TENM3: variants seen among roughly 807,000 people sequenced by gnomAD.
TENM3 encodes teneurin transmembrane protein 3.
TENM3 carries 63 observed loss-of-function variants against 255.1 expected under a neutral mutation model. The observed-to-expected ratio is 0.25, with a 90% CI of 0.20 to 0.30. The LOEUF is 0.30. TENM3 is among the 10% of genes least tolerant of loss of function. The pLI, the probability that TENM3 is intolerant of heterozygous loss-of-function variation, is 1.00. For missense variants in TENM3, 2,929 were observed against 3,461.1 expected (o/e 0.85, Z 3.86); for synonymous variants, 1,306 against 1,322.3 (o/e 0.99, Z 0.27).
At chr4:182,244,079 G>A (rs979016987) in intron 1 of TENM3, among the ~76,000 whole-genome samples, 9 of 144,662 alleles carry the variant, frequency 6.2e-5, no homozygotes, top group Non-Finnish European at 1.0e-4. Context: ...TCAGCCTCCC[G>A]AGTAGCTGGG....
the TENM3 span, among the ~76,000 whole-genome samples, chr4:182,039,084 C>G: frequency 5.5e-4 from 84 of 152,182 alleles, no homozygotes; most frequent in African/African-American, 1.7e-3. Flanking sequence ...TTCTAGAAAC[C>G]CTAGAACACT....
At chr4:181,696,399 T>G in the TENM3 span, among the ~76,000 whole-genome samples, 4 of 152,068 alleles carry the variant, frequency 2.6e-5, no homozygotes, top group Non-Finnish European at 5.9e-5. Context: ...GGACATTGTC[T>G]CCAAAGGCCA....
the TENM3 span, among the ~76,000 whole-genome samples, chr4:181,985,539 A>C: frequency 6.6e-6 from 1 of 152,130 alleles, no homozygotes; most frequent in African/African-American, 2.4e-5. Context: ...AGAGAATCTG[A>C]TGATATACTA....
intron 1 of TENM3, among the ~76,000 whole-genome samples, chr4:182,153,656 A>T (rs1388431504): frequency 3.3e-5 from 5 of 152,144 alleles, no homozygotes; most frequent in Non-Finnish European, 5.9e-5. Flanking sequence ...GAGAGGACTG[A>T]GTGCTTGTTC....
intron 12 of TENM3, among the ~76,000 whole-genome samples, chr4:182,696,834 A>G (rs1191223920): frequency 6.6e-6 from 1 of 151,970 alleles, no homozygotes; most frequent in Non-Finnish European, 1.5e-5. Context: ...ACCTGATTTC[A>G]TTTTTATATT....
At chr4:181,533,178 C>G in the TENM3 span, among the ~76,000 whole-genome samples, 1 of 152,116 alleles carries the variant, frequency 6.6e-6, no homozygotes, top group African/African-American at 2.4e-5. Context: ...AAAGCCTGCT[C>G]TGGTGTCTAT....
At chr4:181,769,173 A>G in the TENM3 span, among the ~76,000 whole-genome samples, 18 of 152,342 alleles carry the variant, frequency 1.2e-4, no homozygotes, top group African/African-American at 4.1e-4. Context: ...ATATTCATGC[A>G]GACAATCTAA....
At chr4:181,611,022 T>G in the TENM3 span, among the ~76,000 whole-genome samples, 23 of 152,192 alleles carry the variant, frequency 1.5e-4, no homozygotes, top group African/African-American at 5.6e-4. Flanking sequence ...TTTAGCCAAA[T>G]TAGTAGGTTT....
At chr4:182,640,023 G>A (rs1051922102) in intron 5 of TENM3, among the ~76,000 whole-genome samples, 2 of 152,226 alleles carry the variant, frequency 1.3e-5, no homozygotes, top group Non-Finnish European at 2.9e-5. Flanking sequence ...CCAGGAGGCG[G>A]AGGTTGCGGT....
chr4:182,799,765 G>A lies in TENM3; in HGVS notation c.7514G>A (p.Ser2505Asn). 6.3e-7 allele frequency: 1 copy of A among 1,580,356 alleles called. No homozygotes were observed. The highest frequency in any genetic ancestry group is 8.6e-7 in the Non-Finnish European group (1 of 1,164,284). ...GGCAAGGGCGTCATGCTGGCCGTCAGCCAGGGCCGCGTGCAGACCAACGTG... is the reference window on the plus strand; with the variant it reads ...GGCAAGGGCGTCATGCTGGCCGTCAACCAGGGCCGCGTGCAGACCAACGTG... ...LIGKGVMLAVSQGRVQTNVLN... is the reference protein window; with the variant it reads ...LIGKGVMLAVNQGRVQTNVLN... Residue 2505 changes from serine to asparagine, a missense_variant, in exon 28 of 28, where the codon AGC becomes AAC. Physicochemically the swap from Ser to Asn is conservative, Grantham distance 46. Transcript: ENST00000511685. This position sits in a 1 kb window ranked among gnomAD's most constrained non-coding sequence, Gnocchi z 4.2.
the TENM3 span, among the ~76,000 whole-genome samples, chr4:181,495,284 G>A: frequency 7.4e-4 from 113 of 152,238 alleles, 1 homozygote; most frequent in African/African-American, 2.6e-3. Context: ...AGGAGTTAGC[G>A]AAGGAGTTGG....
At chr4:182,403,220 C>A (rs1008677288) in intron 3 of TENM3, among the ~76,000 whole-genome samples, 1 of 152,162 alleles carries the variant, frequency 6.6e-6, no homozygotes, top group South Asian at 2.1e-4. Flanking sequence ...AATAAGATTT[C>A]TCCAGTAAGA....
At chr4:182,443,931 A>T (rs1039556554) in intron 3 of TENM3, among the ~76,000 whole-genome samples, 2 of 152,206 alleles carry the variant, frequency 1.3e-5, no homozygotes, top group Non-Finnish European at 2.9e-5. Context: ...TTGGGGGGTG[A>T]AATAATTTAA....
At chr4:182,699,147 T>C (rs942508709) in intron 12 of TENM3, among the ~76,000 whole-genome samples, 1 of 152,218 alleles carries the variant, frequency 6.6e-6, no homozygotes, top group Admixed American at 6.5e-5. Flanking sequence ...CCTCCTGTGG[T>C]CTAACTTGAG....
intron 3 of TENM3, among the ~76,000 whole-genome samples, chr4:182,384,395 GGT>G (rs1767768876): frequency 1.3e-5 from 2 of 151,278 alleles, no homozygotes; most frequent in Admixed American, 1.3e-4. Flanking sequence ...GACGCAGGTA[GGT>G]GTCACTGAGG....
the TENM3 span, among the ~76,000 whole-genome samples, chr4:181,991,163 AC>A: frequency 6.6e-6 from 1 of 152,206 alleles, no homozygotes; most frequent in Non-Finnish European, 1.5e-5. Context: ...GAACTACTCA[AC>A]AACATATGTT....
At chr4:182,464,974 C>A (rs892633303) in intron 3 of TENM3, among the ~76,000 whole-genome samples, 2 of 152,016 alleles carry the variant, frequency 1.3e-5, no homozygotes, top group Non-Finnish European at 2.9e-5. Flanking sequence ...CTGAATTAAC[C>A]AGGTTTTTGT....
At chr4:182,249,915 A>G (rs1392077767) in intron 1 of TENM3, among the ~76,000 whole-genome samples, 6 of 151,876 alleles carry the variant, frequency 4.0e-5, no homozygotes, top group Non-Finnish European at 8.8e-5. Context: ...AGTATGCACC[A>G]CTATGCCTGG....
the TENM3 span, among the ~76,000 whole-genome samples, chr4:182,063,175 G>A: frequency 6.6e-6 from 1 of 152,168 alleles, no homozygotes; most frequent in Non-Finnish European, 1.5e-5. Context: ...AATCTGATAG[G>A]TGTTCCTACA....
Sources: allele counts gnomAD v4.1 joint callset (sites outside exome capture counted in the v4.1 genomes callset), GRCh38; gene constraint gnomAD v4.1.1; non-coding constraint Gnocchi (gnomAD v3.1); transcripts MANE v1.5; gene names NCBI Gene and HGNC (gene_info 2026-07-23, HGNC 2026-07-21).